Variants in DCDC1 observed in about 807,000 individuals in gnomAD.
DCDC1 encodes the protein doublecortin domain containing 1, also known as doublecortin domain-containing protein 1.
Under a neutral mutation model 178.3 loss-of-function variants are expected in DCDC1, and 200 were observed. The observed-to-expected ratio is 1.12, with a 90% CI of 1.00 to 1.26. The LOEUF is 1.26. Among genes scored for constraint, DCDC1 ranks in the 50% most tolerant of loss-of-function variants. The pLI, the probability that DCDC1 is intolerant of heterozygous loss-of-function variation, is 0.00. For synonymous variants in DCDC1, 690 were observed against 604.8 expected (o/e 1.14, Z -2.07); for missense variants, 1,983 against 1,749.2 (o/e 1.13, Z -2.38).
intron 20 of DCDC1, among the ~76,000 whole-genome samples, chr11:30,994,256 T>A (rs1951130359): frequency 6.6e-6 from 1 of 152,086 alleles, no homozygotes; most frequent in Non-Finnish European, 1.5e-5. Flanking sequence ...TCTAAATGCA[T>A]TCGTAATAAA....
intron 15 of DCDC1, among the ~76,000 whole-genome samples, chr11:31,099,134 G>C (rs948277021): frequency 5.3e-5 from 8 of 152,150 alleles, no homozygotes; most frequent in Non-Finnish European, 1.0e-4. Context: ...CCTTTTCTCT[G>C]ATATCTCTTT....
chr11:31,119,239 G>A (rs1960444607), intron 11 of DCDC1, among the ~76,000 whole-genome samples: 1 of 152,170 alleles, frequency 6.6e-6, no homozygotes, highest in African/African-American at 2.4e-5. Context: ...TATGAAAATT[G>A]ATCATCTTCA....
At chr11:30,922,478 T>G in intron 24 of DCDC1, 25 bp downstream of exon 24, 2 of 1,487,998 alleles carry the variant, frequency 1.3e-6, no homozygotes, top group Non-Finnish European at 1.8e-6. Flanking sequence ...CTGAATATAT[T>G]AAGGTAAATA....
At chr11:31,117,965 G>A (rs1039914396) in intron 11 of DCDC1, among the ~76,000 whole-genome samples, 1 of 152,100 alleles carries the variant, frequency 6.6e-6, no homozygotes, top group Non-Finnish European at 1.5e-5. Context: ...GGTCCTGTCA[G>A]TAGCTGAGTA....
intron 20 of DCDC1, among the ~76,000 whole-genome samples, chr11:31,004,566 C>G (rs974480950): frequency 1.3e-5 from 2 of 151,374 alleles, no homozygotes; most frequent in African/African-American, 4.9e-5. Flanking sequence ...TCCTGTAGTC[C>G]CAGCTACTCG....
At chr11:31,257,255 A>C (rs2137037333) in intron 8 of DCDC1, among the ~76,000 whole-genome samples, 1 of 152,314 alleles carries the variant, frequency 6.6e-6, no homozygotes, top group East Asian at 1.9e-4. Context: ...GGGCCAAAAA[A>C]GAAATGTGGA....
At chr11:31,345,969 T>C (rs1482546093) in intron 1 of DCDC1, among the ~76,000 whole-genome samples, 1 of 152,196 alleles carries the variant, frequency 6.6e-6, no homozygotes, top group Non-Finnish European at 1.5e-5. Context: ...TGAATCTGAC[T>C]GATATACTAT....
intron 20 of DCDC1, among the ~76,000 whole-genome samples, chr11:30,955,853 A>G (rs1224563582): frequency 2.6e-5 from 4 of 152,144 alleles, no homozygotes; most frequent in Admixed American, 2.0e-4. Context: ...TAAATAAATA[A>G]ACCAACTCTG....
chr11:31,322,685 G>A (rs1296414053), intron 3 of DCDC1, among the ~76,000 whole-genome samples: 1 of 152,136 alleles, frequency 6.6e-6, no homozygotes, highest in Non-Finnish European at 1.5e-5. Context: ...CAAGCCAAAG[G>A]ATCTAGCCAA....
At position 30,955,032 on chromosome 11, in the gene DCDC1, G is replaced by A. The variant is rs115724385; in HGVS notation, c.2592-2464C>T. The stretch of plus-strand genomic sequence containing the variant: ...ATATTAGCGAACAACTTCAGAAGGC[G>A]GTAAGCTCCTACAACTGCAGGTGAA... On this transcript the variant is annotated intron_variant, in intron 20 of 38. Transcript: ENST00000684477. 8.6e-3 allele frequency among the ~76,000 whole-genome samples: 1,315 copies of A among 152,234 alleles called. 22 individuals carry two copies. Among genetic ancestry groups the A allele is most frequent in the African/African-American group, 0.03 (1,257 of 41,534 alleles).
chr11:31,074,617 C>A (rs1375671646), intron 18 of DCDC1, among the ~76,000 whole-genome samples: 1 of 152,122 alleles, frequency 6.6e-6, no homozygotes, highest in Non-Finnish European at 1.5e-5. Flanking sequence ...ACTCCCCAGC[C>A]CTCAGAAGTA....
intron 6 of DCDC1, among the ~76,000 whole-genome samples, chr11:31,302,738 G>A (rs1040051493): frequency 3.9e-5 from 6 of 152,060 alleles, no homozygotes; most frequent in Admixed American, 1.3e-4. Context: ...CAATGCCACT[G>A]GTTGTCAACA....
intron 20 of DCDC1, among the ~76,000 whole-genome samples, chr11:31,014,462 T>C (rs1952361715): frequency 6.6e-6 from 1 of 152,118 alleles, no homozygotes; most frequent in South Asian, 2.1e-4. Flanking sequence ...TTTGACAGCT[T>C]GACTACAGCC....
chr11:31,328,070 T>C lies in DCDC1; in HGVS notation c.164+47A>G, dbSNP rs547459322. 8 of 1,530,480 alleles carry C rather than the reference T, an allele frequency of 5.2e-6. No homozygotes were observed. The Middle Eastern group carries it at 6.2e-4, about 118-fold the overall frequency. The allele number at this position is 1,530,480 out of a possible 1,614,324, so 94.8% of individuals were successfully genotyped here. ...TTTAAACTACTTTCTATAAACACTT[T>C]TATCCCCTTCAGTATTTAGTTTAAG... On this transcript the variant is annotated intron_variant, in intron 3 of 38. Coordinates refer to ENST00000684477, the MANE Select transcript of DCDC1 (RefSeq NM_001387274.1).
At chr11:31,243,497 G>T (rs772049106) in intron 8 of DCDC1, among the ~76,000 whole-genome samples, 9 of 151,606 alleles carry the variant, frequency 5.9e-5, no homozygotes, top group Admixed American at 1.3e-4. Flanking sequence ...TTAAACATGA[G>T]AAAATTTTAT....
intron 7 of DCDC1, among the ~76,000 whole-genome samples, chr11:31,290,377 A>C (rs572718351): frequency 1.3e-5 from 2 of 152,170 alleles, no homozygotes; most frequent in East Asian, 3.9e-4. Flanking sequence ...TGTTTTCTCT[A>C]GTAGAAACAT....
At chr11:30,985,869 A>G (rs1006503477) in intron 20 of DCDC1, among the ~76,000 whole-genome samples, 3 of 152,212 alleles carry the variant, frequency 2.0e-5, no homozygotes, top group African/African-American at 7.2e-5. Flanking sequence ...AAATTTTTTT[A>G]ATGAATAGTA....
At chr11:30,903,390 C>A in intron 32 of DCDC1, 92 bp downstream of exon 32, 1 of 1,243,838 alleles carries the variant, frequency 8.0e-7, no homozygotes, top group South Asian at 2.6e-5. Context: ...TTTTGAAATT[C>A]TGAAAAAACT....
chr11:31,136,768 C>T (rs796678011), intron 10 of DCDC1, among the ~76,000 whole-genome samples: 4 of 152,192 alleles, frequency 2.6e-5, no homozygotes, highest in African/African-American at 9.6e-5. Context: ...AAATCATTTT[C>T]CCCTTTTGTC....
Sources: allele counts gnomAD v4.1 joint callset (sites outside exome capture counted in the v4.1 genomes callset), GRCh38; gene constraint gnomAD v4.1.1; transcripts MANE v1.5; gene names NCBI Gene and HGNC (gene_info 2026-07-23, HGNC 2026-07-21).